Variants in CNTNAP2 observed in about 807,000 individuals in gnomAD.
CNTNAP2 encodes the protein contactin-associated protein-like 2.
Under a neutral mutation model 155.2 loss-of-function variants are expected in CNTNAP2, and 98 were observed. The observed-to-expected ratio is 0.63, with a 90% CI of 0.54 to 0.75. CNTNAP2 has a LOEUF of 0.75. Among genes scored for constraint, CNTNAP2 ranks in the 30% least tolerant of loss-of-function variants. CNTNAP2 has a pLI of 0.00. For synonymous variants in CNTNAP2, 651 were observed against 631.2 expected, an observed-to-expected ratio of 1.03 and a Z score of -0.47; for missense variants, 1,727 against 1,688.1, an observed-to-expected ratio of 1.02 and a Z score of -0.40.
At chr7:147,403,281 C>T (rs1396429946) in intron 10 of CNTNAP2, among the ~76,000 whole-genome samples, 2 of 152,212 alleles carry the variant, frequency 1.3e-5, no homozygotes, top group African/African-American at 2.4e-5. Context: ...ATGGAACCAA[C>T]ATACATCTTA....
At chr7:147,022,135 T>C (rs969424734) in intron 3 of CNTNAP2, among the ~76,000 whole-genome samples, 2 of 152,132 alleles carry the variant, frequency 1.3e-5, no homozygotes, top group Admixed American at 1.3e-4. Context: ...TGACCAGAAT[T>C]ACAAACAGTA....
chr7:146,443,546 A>T (rs946620199), intron 1 of CNTNAP2, among the ~76,000 whole-genome samples: 4 of 152,194 alleles, frequency 2.6e-5, no homozygotes, highest in Non-Finnish European at 4.4e-5. Context: ...ATTTGCATTA[A>T]TTTTTTGTGT....
intron 3 of CNTNAP2, among the ~76,000 whole-genome samples, chr7:147,033,200 ATATG>A: frequency 8.6e-6 from 1 of 116,926 alleles, no homozygotes; most frequent in East Asian, 2.6e-4. Flanking sequence ...ATATATATAT[ATATG>A]GAATATGTTG....
At chr7:148,241,912 T>C (rs1462956295) in intron 20 of CNTNAP2, among the ~76,000 whole-genome samples, 1 of 152,230 alleles carries the variant, frequency 6.6e-6, no homozygotes, top group Non-Finnish European at 1.5e-5. Flanking sequence ...TCGTTTTACA[T>C]TTCATGCAGC....
chr7:146,289,331 CTATT>C (rs1159980042), intron 1 of CNTNAP2, among the ~76,000 whole-genome samples: 1 of 152,154 alleles, frequency 6.6e-6, no homozygotes, highest in Non-Finnish European at 1.5e-5. Context: ...GAAACAGAAG[CTATT>C]TAAAATGTAG....
intron 1 of CNTNAP2, among the ~76,000 whole-genome samples, chr7:146,384,402 A>G (rs1795431895): frequency 6.6e-6 from 1 of 152,164 alleles, no homozygotes; most frequent in South Asian, 2.1e-4. Context: ...GAATCATAAA[A>G]CCATGCTGAA....
intron 1 of CNTNAP2, 180 bp downstream of exon 1, chr7:146,117,153 G>A: frequency 1.6e-6 from 1 of 610,572 alleles, no homozygotes; most frequent in Non-Finnish European, 2.9e-6. Flanking sequence ...TTTCTGTTTT[G>A]GAAGAGACAG....
chr7:146,696,850 T>C (rs1047153640), intron 1 of CNTNAP2, among the ~76,000 whole-genome samples: 1 of 152,204 alleles, frequency 6.6e-6, no homozygotes, highest in African/African-American at 2.4e-5. Flanking sequence ...ACTTTGACTT[T>C]AATTTCATTC....
At chr7:148,375,061 C>G (rs1798958583) in intron 21 of CNTNAP2, among the ~76,000 whole-genome samples, 1 of 152,132 alleles carries the variant, frequency 6.6e-6, no homozygotes, top group South Asian at 2.1e-4. Context: ...TATCTTACAT[C>G]TGACAACTTG....
chr7:146,787,049 C>G (rs1333565147), intron 2 of CNTNAP2, among the ~76,000 whole-genome samples: 5 of 152,222 alleles, frequency 3.3e-5, no homozygotes, highest in Non-Finnish European at 7.3e-5. Flanking sequence ...ATAATTTTCT[C>G]TAGCCAGTGT....
chr7:147,624,367 G>T (rs1794929981), intron 12 of CNTNAP2, among the ~76,000 whole-genome samples: 1 of 152,010 alleles, frequency 6.6e-6, no homozygotes, highest in South Asian at 2.1e-4. Context: ...CTGAGATGGT[G>T]TTAATAACCA....
At chr7:146,928,282 T>A (rs538448329) in intron 3 of CNTNAP2, among the ~76,000 whole-genome samples, 2 of 152,330 alleles carry the variant, frequency 1.3e-5, no homozygotes, top group East Asian at 3.9e-4. Flanking sequence ...AGTTCCTCTT[T>A]ACTTACTAAC....
intron 10 of CNTNAP2, among the ~76,000 whole-genome samples, chr7:147,484,532 C>T (rs538886690): frequency 5.3e-5 from 8 of 152,300 alleles, no homozygotes; most frequent in South Asian, 4.1e-4. Flanking sequence ...TGAATACAGT[C>T]GTAGTCATCT....
chr7:146,568,994 T>A (rs1407762401), intron 1 of CNTNAP2, among the ~76,000 whole-genome samples: 1 of 151,334 alleles, frequency 6.6e-6, no homozygotes, highest in Non-Finnish European at 1.5e-5. Context: ...CTTCTTTTTA[T>A]TTTTTTTATT....
At chr7:146,252,891 TA>T (rs1207553101) in intron 1 of CNTNAP2, among the ~76,000 whole-genome samples, 1 of 152,108 alleles carries the variant, frequency 6.6e-6, no homozygotes, top group African/African-American at 2.4e-5. Context: ...ATCGTAATGA[TA>T]ATAATGAGAG....
chr7:148,337,865 A>G (rs903365076), intron 21 of CNTNAP2, among the ~76,000 whole-genome samples: 1 of 152,236 alleles, frequency 6.6e-6, no homozygotes, highest in African/African-American at 2.4e-5. Flanking sequence ...TAGATGAAAG[A>G]GCAATGGGTC....
chr7:147,298,008 C>T (rs1427308548), intron 8 of CNTNAP2, among the ~76,000 whole-genome samples: 1 of 152,198 alleles, frequency 6.6e-6, no homozygotes, highest in African/African-American at 2.4e-5. Flanking sequence ...TGCCTTATTA[C>T]ATTATTTATA....
At chr7:146,366,110 A>T (rs746621184) in intron 1 of CNTNAP2, among the ~76,000 whole-genome samples, 2 of 152,154 alleles carry the variant, frequency 1.3e-5, no homozygotes, top group Non-Finnish European at 2.9e-5. Context: ...ATAGATATGT[A>T]TAGATATATA....
intron 10 of CNTNAP2, among the ~76,000 whole-genome samples, chr7:147,432,760 C>A (rs1438183775): frequency 1.3e-5 from 2 of 152,178 alleles, no homozygotes; most frequent in East Asian, 3.9e-4. Flanking sequence ...CTGCCCATTT[C>A]ACTTAACCCC....
Sources: gnomAD v4.1 joint callset for allele counts (sites outside exome capture counted in the v4.1 genomes callset) on GRCh38, gnomAD v4.1.1 for gene constraint, MANE v1.5 for transcripts, NCBI Gene and HGNC (gene_info 2026-07-23, HGNC 2026-07-21) for gene names.